KLK15: variants seen among roughly 807,000 people sequenced by gnomAD.
KLK15 encodes kallikrein-15.
In KLK15, 19 loss-of-function variants were observed where a neutral mutation model predicts 21.1. The observed-to-expected ratio is 0.90, with a 90% CI of 0.63 to 1.32. The LOEUF (loss-of-function observed/expected upper bound fraction) is 1.32, where lower values mean the gene tolerates loss of function less well. KLK15 is among the 40% of genes most tolerant of loss of function. The pLI, the probability that KLK15 is intolerant of heterozygous loss-of-function variation, is 0.00. For synonymous variants in KLK15, 141 were observed against 141.5 expected (o/e 1.00, Z 0.03); for missense variants, 345 against 348.6 (o/e 0.99, Z 0.08).
Position 50,831,339 on chromosome 19 carries a change from T to A in KLK15, c.43+111A>T, listed in dbSNP as rs2089981797. The A allele has an allele frequency of 5.5e-6, 4 of 733,284 alleles. 1 individual carries two copies. The South Asian group carries it at 1.1e-4, about 20-fold the overall frequency. The allele number at this position is 733,284 out of a possible 1,614,324, so 45.4% of individuals were successfully genotyped here. A position where few individuals can be genotyped will look rare whatever the true frequency, so the allele number is the denominator to read the frequency against. ...GCACAGGTGGAGGGTGAAGGAAGGA[T>A]CTTTAGTGGTCTCTGGGTGAGGTAG... On this transcript the variant is annotated intron_variant, in intron 1 of 4. Transcript: ENST00000598239.
chr19:50,833,376 A>AGGTT (rs1381227936), upstream of KLK15, among the ~76,000 whole-genome samples: 1 of 152,126 alleles, frequency 6.6e-6, no homozygotes, highest in Non-Finnish European at 1.5e-5. Context: ...TTCTTGGTTC[A>AGGTT]GGTTCAATTT....
chr19:50,830,100 C>T (rs1325548261), intron 1 of KLK15, among the ~76,000 whole-genome samples: 5 of 151,458 alleles, frequency 3.3e-5, no homozygotes, highest in African/African-American at 7.3e-5. Context: ...GGATCTGGCT[C>T]ATGCATGTGG....
chr19:50,825,595 A>T (rs533048179), downstream of KLK15: 1,080 of 481,198 alleles, frequency 2.2e-3, 6 homozygotes, highest in Non-Finnish European at 3.4e-3. Flanking sequence ...AGCAACTTGG[A>T]TCAGCGCTTT....
Position 50,826,615 on chromosome 19 carries a change from T to A in KLK15, c.618+6A>T. The A allele has an allele frequency of 6.3e-7, 1 of 1,590,290 alleles. No homozygotes were observed. On this transcript the variant is annotated splice_donor_region_variant and intron_variant, in intron 4 of 4. Transcript: ENST00000598239. ...CTTCCGCCTGATGGCCCCTCTAGGC[T>A]CTGACCTCACAGGATTCTGCGCCTC...
At chr19:50,830,950 C>T (rs576390567) in intron 1 of KLK15, among the ~76,000 whole-genome samples, 266 of 152,288 alleles carry the variant, frequency 1.7e-3, no homozygotes, top group African/African-American at 5.8e-3. Context: ...CATTTAATCC[C>T]CTCAAAGACC....
At chr19:50,827,235 CAA>C (rs2089901272) in intron 2 of KLK15, 74 bp from the exon 4 acceptor site, 6 of 1,440,538 alleles carry the variant, frequency 4.2e-6, no homozygotes, top group Admixed American at 4.3e-5. Flanking sequence ...ACAGAAAGAT[CAA>C]AGAGTGGGCA....
Position 50,826,121 on chromosome 19 carries a change from A to G in KLK15, c.619-173T>C, listed in dbSNP as rs1183880936. 3 of 599,786 alleles carry G rather than the reference A, an allele frequency of 5.0e-6. No homozygotes were observed. In the African/African-American group the frequency reaches 5.6e-5, roughly 11 times the overall value. The allele number at this position is 599,786 out of a possible 1,614,324, so 37.2% of individuals were successfully genotyped here. ...CCCAAACAGAGCCAACCCAACCCCA[A>G]CCCCAACCCCAATTCAACACAGCTC... On this transcript the variant is annotated intron_variant, in intron 4 of 4. Coordinates refer to ENST00000598239, the Ensembl canonical transcript of KLK15.
At chr19:50,832,318 T>TTTTC (rs199505045), upstream of KLK15, among the ~76,000 whole-genome samples, 16,283 of 112,896 alleles carry the variant, frequency 0.14, 1,328 homozygotes, top group Non-Finnish European at 0.2. Flanking sequence ...CTTTCTTTTT[T>TTTTC]TTTCTTTTTT....
At chr19:50,825,658 G>A (rs2089867195), downstream of KLK15, 5 of 804,372 alleles carry the variant, frequency 6.2e-6, no homozygotes, top group East Asian at 1.3e-4. Context: ...TCCTCAGGTG[G>A]GACAAGTCCT....
exon 2 of KLK15, chr19:50,827,749 A>C: frequency 6.2e-7 from 1 of 1,611,246 alleles, no homozygotes; most frequent in Non-Finnish European, 8.5e-7. Flanking sequence ...GTAGAGAGCC[A>C]CTTGCCATGG....
At chr19:50,832,325 T>TTTC (rs56971993), upstream of KLK15, among the ~76,000 whole-genome samples, 32,396 of 135,844 alleles carry the variant, frequency 0.24, 4,749 homozygotes, top group East Asian at 0.39. Context: ...TTTTTTTCTT[T>TTTC]TTTTTTTTTT....
At chr19:50,828,129 A>G (rs2089918431) in intron 1 of KLK15, among the ~76,000 whole-genome samples, 1 of 151,394 alleles carries the variant, frequency 6.6e-6, no homozygotes, top group South Asian at 2.1e-4. Flanking sequence ...TATTTTTAGT[A>G]GAGACGAGGT....
intron 2 of KLK15, 25 bp from the exon 4 acceptor site, chr19:50,827,186 C>T (rs1283940808): frequency 6.4e-7 from 1 of 1,556,476 alleles, no homozygotes; most frequent in Non-Finnish European, 8.7e-7. Flanking sequence ...GGTTTTCCCG[C>T]CAGTGGAGTG....
intron 3 of KLK15, 29 bp from the exon 5 acceptor site, chr19:50,826,786 T>A (rs1480514483): frequency 6.3e-7 from 1 of 1,596,192 alleles, no homozygotes; most frequent in Non-Finnish European, 8.5e-7. Context: ...TTGGAGCAGA[T>A]CCATAAATTC....
intron 1 of KLK15, among the ~76,000 whole-genome samples, chr19:50,829,846 A>C (rs1232262470): frequency 6.6e-6 from 1 of 151,398 alleles, no homozygotes; most frequent in South Asian, 2.1e-4. Flanking sequence ...AAAAAAAGTC[A>C]AGGTTAAAAC....
At chr19:50,825,826 C>T (rs2089870143) in exon 5 of KLK15, 1 of 1,614,010 alleles carries the variant, frequency 6.2e-7, no homozygotes, top group Non-Finnish European at 8.5e-7. Context: ...CCCTGATCCA[C>T]TCCAAGTAGT....
intron 2 of KLK15, among the ~76,000 whole-genome samples, chr19:50,827,393 C>T (rs901930579): frequency 6.6e-6 from 1 of 151,734 alleles, no homozygotes; most frequent in Non-Finnish European, 1.5e-5. Flanking sequence ...CCTCCAACTA[C>T]TCCCAGCCCC....
At chr19:50,827,153 C>T (rs780495093) in exon 3 of KLK15, 2 of 1,583,758 alleles carry the variant, frequency 1.3e-6, no homozygotes, top group South Asian at 2.3e-5. Flanking sequence ...CAGGCGCACT[C>T]TCATGAAGCT....
chr19:50,829,639 A>G (rs1306194244), intron 1 of KLK15, among the ~76,000 whole-genome samples: 1 of 151,596 alleles, frequency 6.6e-6, no homozygotes, highest in Non-Finnish European at 1.5e-5. Flanking sequence ...TCTACTAAAA[A>G]ATAAATAAAT....
Sources: allele counts gnomAD v4.1 joint callset (sites outside exome capture counted in the v4.1 genomes callset), GRCh38; gene constraint gnomAD v4.1.1; transcripts MANE v1.5; gene names NCBI Gene and HGNC (gene_info 2026-07-23, HGNC 2026-07-21).